SLC8A1: variants seen among roughly 807,000 people sequenced by gnomAD.
SLC8A1 encodes sodium/calcium exchanger 1.
SLC8A1 carries 18 observed loss-of-function variants against 68.3 expected under a neutral mutation model. The observed-to-expected ratio is 0.26, with a 90% CI of 0.18 to 0.39. SLC8A1 has a LOEUF of 0.39. SLC8A1 is among the 10% of genes least tolerant of loss of function. The pLI is 1.00. For missense variants in SLC8A1, 985 were observed against 1,156.7 expected (o/e 0.85, Z 2.15); for synonymous variants, 475 against 415.5 (o/e 1.14, Z -1.74).
chr2:40,168,727 C>G (rs1223687309), intron 4 of SLC8A1, among the ~76,000 whole-genome samples: 1 of 152,116 alleles, frequency 6.6e-6, no homozygotes, highest in Non-Finnish European at 1.5e-5. Context: ...TGGTTGAGGT[C>G]AGTTTCATTT....
At chr2:40,337,883 TA>T (rs1248809585) in intron 2 of SLC8A1, among the ~76,000 whole-genome samples, 1 of 152,176 alleles carries the variant, frequency 6.6e-6, no homozygotes, top group East Asian at 1.9e-4. Flanking sequence ...TTAATAATAC[TA>T]AATCATGTAA....
At chr2:40,123,098 C>T (rs138393792) in intron 7 of SLC8A1, 6 of 152,268 alleles carry the variant, frequency 3.9e-5, no homozygotes, top group African/African-American at 1.4e-4. Context: ...GATAAGACTC[C>T]ACTACACACA....
At chr2:40,394,550 C>T (rs991289785) in intron 2 of SLC8A1, among the ~76,000 whole-genome samples, 3 of 151,698 alleles carry the variant, frequency 2.0e-5, no homozygotes, top group African/African-American at 4.8e-5. Context: ...TTAGACATTT[C>T]GATAAGATTA....
intron 2 of SLC8A1, among the ~76,000 whole-genome samples, chr2:40,216,666 T>G (rs1040272299): frequency 1.3e-5 from 2 of 152,192 alleles, no homozygotes; most frequent in African/African-American, 4.8e-5. Flanking sequence ...CAGTCTCTAT[T>G]GTTTCTTGAC....
At chr2:40,118,801 G>A (rs1258742732) in intron 7 of SLC8A1, among the ~76,000 whole-genome samples, 3 of 151,894 alleles carry the variant, frequency 2.0e-5, no homozygotes, top group Non-Finnish European at 2.9e-5. Flanking sequence ...AGGTGGGGCA[G>A]TTGCGGGGGT....
chr2:40,510,192 A>G (rs1322894643), intron 1 of SLC8A1, among the ~76,000 whole-genome samples: 5 of 152,098 alleles, frequency 3.3e-5, no homozygotes, highest in Non-Finnish European at 5.9e-5. Context: ...TTTCCTCTCA[A>G]AATATGATTT....
At chr2:40,372,672 G>C (rs373289264) in intron 2 of SLC8A1, among the ~76,000 whole-genome samples, 4 of 152,186 alleles carry the variant, frequency 2.6e-5, no homozygotes, top group African/African-American at 9.6e-5. Flanking sequence ...CTTGGAAATT[G>C]CAACATTTTC....
Position 40,178,502 on chromosome 2 carries a change from G to A in SLC8A1, c.1809-647C>T, listed in dbSNP as rs766960718. The A allele has an allele frequency of 6.3e-5, 101 of 1,602,424 alleles. No homozygotes were observed. The highest frequency in any genetic ancestry group is 8.4e-5 in the Non-Finnish European group (98 of 1,170,296). ...TGACTGATATTGTTTTGCTGAAACA[G>A]AGAATAGAAATTGACGAACAAGGGG... On this transcript the variant is annotated intron_variant, in intron 2 of 7. Coordinates refer to ENST00000406785, the Ensembl canonical transcript of SLC8A1.
chr2:40,249,301 T>C (rs1276629437), intron 2 of SLC8A1, among the ~76,000 whole-genome samples: 1 of 152,184 alleles, frequency 6.6e-6, no homozygotes, highest in African/African-American at 2.4e-5. Flanking sequence ...TTTTGAGGTA[T>C]ATACTTTCAA....
rs141503679 is a variant in SLC8A1 at position 40,178,403 on chromosome 2, C to G, written c.1809-548G>C. The G allele has an allele frequency of 9.9e-6, 16 of 1,613,902 alleles. No individual in the cohort carries two copies. In the African/African-American group the frequency reaches 2.0e-4, roughly 20 times the overall value. ...CTCCCCCACCTTTCTTCTCACTCATCTCCACCAGGCGGGGCTCTCCAATCT... is the reference window on the plus strand; with the variant it reads ...CTCCCCCACCTTTCTTCTCACTCATGTCCACCAGGCGGGGCTCTCCAATCT... On this transcript the variant is annotated intron_variant, in intron 2 of 7. Coordinates refer to ENST00000406785, the Ensembl canonical transcript of SLC8A1.
At chr2:40,133,608 G>A (rs1315187403) in intron 7 of SLC8A1, among the ~76,000 whole-genome samples, 1 of 151,856 alleles carries the variant, frequency 6.6e-6, no homozygotes, top group African/African-American at 2.4e-5. Flanking sequence ...CCAGCTGGTA[G>A]CAGGAACTAG....
At chr2:40,140,145 C>T (rs1208286558) in intron 6 of SLC8A1, among the ~76,000 whole-genome samples, 7 of 152,206 alleles carry the variant, frequency 4.6e-5, no homozygotes, top group East Asian at 1.9e-4. Context: ...ATAATGTTCA[C>T]ACAGGGCCGT....
At chr2:40,273,769 T>C (rs1411432206) in intron 2 of SLC8A1, among the ~76,000 whole-genome samples, 2 of 152,022 alleles carry the variant, frequency 1.3e-5, no homozygotes, top group Non-Finnish European at 2.9e-5. Context: ...ATGCCTCAGA[T>C]AGAGTGAAAC....
At chr2:40,398,378 C>A (rs1687649655) in intron 2 of SLC8A1, among the ~76,000 whole-genome samples, 1 of 152,124 alleles carries the variant, frequency 6.6e-6, no homozygotes, top group Non-Finnish European at 1.5e-5. Flanking sequence ...ATGGTACTGT[C>A]TTGTTCCTGG....
intron 2 of SLC8A1, among the ~76,000 whole-genome samples, chr2:40,370,097 T>C (rs531922214): frequency 6.6e-6 from 1 of 152,200 alleles, no homozygotes; most frequent in African/African-American, 2.4e-5. Flanking sequence ...TTCACATGTG[T>C]AAATTCTAGA....
intron 2 of SLC8A1, among the ~76,000 whole-genome samples, chr2:40,289,656 G>A (rs1306191973): frequency 2.6e-5 from 4 of 151,978 alleles, no homozygotes; most frequent in Admixed American, 2.6e-4. Flanking sequence ...TTGGAGACCA[G>A]CCTGGCCAAC....
chr2:40,132,305 A>G (rs1316702457), intron 7 of SLC8A1, among the ~76,000 whole-genome samples: 1 of 152,164 alleles, frequency 6.6e-6, no homozygotes, highest in African/African-American at 2.4e-5. Context: ...CTAAATATGG[A>G]CAAGTCATTT....
At chr2:40,178,700 C>A (rs1256703762) in intron 2 of SLC8A1, among the ~76,000 whole-genome samples, 1 of 152,164 alleles carries the variant, frequency 6.6e-6, no homozygotes, top group African/African-American at 2.4e-5. Flanking sequence ...CTCCCCTGAG[C>A]AGGGCCACAG....
intron 2 of SLC8A1, among the ~76,000 whole-genome samples, chr2:40,183,157 A>G (rs574015706): frequency 2.7e-4 from 41 of 152,284 alleles, no homozygotes; most frequent in African/African-American, 9.1e-4. Flanking sequence ...ACTCTCAGAG[A>G]AGTTGGTAAC....
Sources: gnomAD v4.1 joint callset for allele counts (sites outside exome capture counted in the v4.1 genomes callset) on GRCh38, gnomAD v4.1.1 for gene constraint, MANE v1.5 for transcripts, NCBI Gene and HGNC (gene_info 2026-07-23, HGNC 2026-07-21) for gene names.